The following ALG5 variants were observed in gnomAD, a reference collection of about 807,000 sequenced individuals.
The protein encoded by ALG5 is ALG5 dolichyl-phosphate beta-glucosyltransferase.
Under a neutral mutation model 51.8 loss-of-function variants are expected in ALG5, and 26 were observed. That is an observed-to-expected ratio of 0.50 (90% CI 0.37 to 0.70). The LOEUF (loss-of-function observed/expected upper bound fraction) is 0.70, where lower values mean the gene tolerates loss of function less well. Among genes scored for constraint, ALG5 ranks in the 30% least tolerant of loss-of-function variants. The pLI is 0.00. For missense variants in ALG5, 311 were observed against 399.3 expected (o/e 0.78, Z 1.88); for synonymous variants, 141 against 136.1 (o/e 1.04, Z -0.25).
At chr13:36,987,107 T>C (rs1003842029) in intron 5 of ALG5, among the ~76,000 whole-genome samples, 1 of 152,196 alleles carries the variant, frequency 6.6e-6, no homozygotes, top group East Asian at 1.9e-4. Flanking sequence ...GCCAGTTTAA[T>C]GGCTTCAGGT....
chr13:36,955,143 C>T (rs1315701736), intron 8 of ALG5, among the ~76,000 whole-genome samples: 1 of 152,150 alleles, frequency 6.6e-6, no homozygotes, highest in Admixed American at 6.5e-5. Context: ...ATGCTAACAG[C>T]CAGGCTCACA....
Position 36,999,335 on chromosome 13 carries a change from C to T in ALG5, c.-35G>A. On this transcript the variant is annotated 5_prime_UTR_variant, in exon 1 of 10. Coordinates refer to ENST00000239891, the MANE Select transcript of ALG5 (RefSeq NM_013338.5). ...CGTGGCAGCCCGCCCAATCCCGCAC[C>T]TCCACACAGGCGGAAGCGCGCCCGC... 2 of 1,541,596 alleles carry T rather than the reference C, an allele frequency of 1.3e-6. No homozygotes were observed. The highest frequency in any genetic ancestry group is 1.4e-5 in the African/African-American group (1 of 70,240).
chr13:36,989,442 T>C (rs1294487623), intron 5 of ALG5, 42 bp downstream of exon 5: 3 of 1,465,850 alleles, frequency 2.0e-6, no homozygotes, highest in Admixed American at 3.4e-5. Context: ...TTATTCAAGA[T>C]ACCTTCATAT....
At chr13:36,972,331 A>G (rs981683333) in intron 6 of ALG5, among the ~76,000 whole-genome samples, 5 of 152,146 alleles carry the variant, frequency 3.3e-5, no homozygotes, top group Non-Finnish European at 5.9e-5. Flanking sequence ...TTGAGAGAAA[A>G]ATTAGTGGTA....
intron 9 of ALG5, 56 bp downstream of exon 9, chr13:36,952,458 A>G: frequency 7.7e-7 from 1 of 1,291,012 alleles, no homozygotes; most frequent in Non-Finnish European, 1.1e-6. Flanking sequence ...AGCTGACTTT[A>G]CTAAACAACT....
At chr13:36,983,568 C>CT (rs1432511311) in intron 6 of ALG5, among the ~76,000 whole-genome samples, 1 of 6,520 alleles carries the variant, frequency 1.5e-4, no homozygotes, top group Non-Finnish European at 2.8e-4. Context: ...ACCTTATCTC[C>CT]TTTAAAAAAA....
rs556911550 is a variant in ALG5 at position 36,972,983 on chromosome 13, C to T, written c.562-947G>A. Among the ~76,000 whole-genome samples, 10 of 106,664 alleles carry T rather than the reference C, an allele frequency of 9.4e-5. No homozygotes were observed. In the South Asian group the frequency reaches 4.1e-3, roughly 44 times the overall value. The allele number at this position is 106,664 out of a possible 152,430, so 70.0% of individuals were successfully genotyped here. Reference sequence around the variant, plus strand: ...CTCCAGCCTGGGAGACAGAGCAAGACTCCGTCTCAAAAAAAAAAAAAAAAA... The same window carrying T: ...CTCCAGCCTGGGAGACAGAGCAAGATTCCGTCTCAAAAAAAAAAAAAAAAA... On this transcript the variant is annotated intron_variant, in intron 6 of 9. Transcript: ENST00000239891.
chr13:36,973,112 C>A (rs2058934164), intron 6 of ALG5, among the ~76,000 whole-genome samples: 1 of 145,984 alleles, frequency 6.9e-6, no homozygotes, highest in East Asian at 2.0e-4. Flanking sequence ...AAAAAAGGTC[C>A]TTGTTAGTAT....
chr13:36,959,363 C>CCA (rs1449679208), intron 8 of ALG5, among the ~76,000 whole-genome samples: 1 of 151,528 alleles, frequency 6.6e-6, no homozygotes, highest in Non-Finnish European at 1.5e-5. Context: ...TCAAATGTTC[C>CCA]CACCACAAAA....
At chr13:36,966,052 T>C (rs1212518687) in intron 7 of ALG5, among the ~76,000 whole-genome samples, 1 of 152,198 alleles carries the variant, frequency 6.6e-6, no homozygotes, top group Non-Finnish European at 1.5e-5. Flanking sequence ...TTTACTTACA[T>C]ATTTTATGCT....
Position 36,975,404 on chromosome 13 carries a change from C to G in ALG5, c.562-3368G>C, listed in dbSNP as rs555064777. 3.1e-3 allele frequency among the ~76,000 whole-genome samples: 472 copies of G among 152,238 alleles called. 1 individual carries two copies. Among genetic ancestry groups the G allele is most frequent in the African/African-American group, 0.01 (433 of 41,550 alleles). ...TGACATTTAACATGTTCTCCTGTCC[C>G]CTGTACTTCCTCTAAACTGGTAGTT... is the stretch of plus-strand genomic sequence containing the variant. On this transcript the variant is annotated intron_variant, in intron 6 of 9. Transcript: ENST00000239891.
chr13:36,985,440 A>C (rs2058997882), intron 6 of ALG5, among the ~76,000 whole-genome samples, 187 bp downstream of exon 6: 1 of 152,188 alleles, frequency 6.6e-6, no homozygotes, highest in Non-Finnish European at 1.5e-5. Context: ...TGTCAAGTGA[A>C]TCTCATAAAA....
At chr13:36,964,577 G>T (rs1279937319) in intron 8 of ALG5, among the ~76,000 whole-genome samples, 1 of 152,106 alleles carries the variant, frequency 6.6e-6, no homozygotes, top group African/African-American at 2.4e-5. Context: ...GCTGCTGATG[G>T]GTTAAGTGTG....
intron 8 of ALG5, among the ~76,000 whole-genome samples, chr13:36,957,798 TA>T (rs1363819198): frequency 1.3e-5 from 2 of 152,098 alleles, no homozygotes; most frequent in Non-Finnish European, 2.9e-5. Context: ...AACAAGTTCT[TA>T]AAACATTACA....
Position 36,997,094 on chromosome 13 carries a change from T to C in ALG5, c.67-1498A>G, listed in dbSNP as rs147347822. 3.6e-4 allele frequency among the ~76,000 whole-genome samples: 55 copies of C among 152,304 alleles called. No individual in the cohort carries two copies. In the East Asian group the frequency reaches 8.3e-3, roughly 23 times the overall value. ...CTACCAGTTTATAGAAAATTTGAGA[T>C]AGAAGATGTTAAAAGGCATTAAGGG... On this transcript the variant is annotated intron_variant, in intron 1 of 9. Transcript: ENST00000239891.
rs190245274 is a variant in ALG5, at chr13:36,967,873, C to T, written c.622-2147G>A. 2.4e-5 allele frequency: 24 copies of T among 1,012,270 alleles called. No individual in the cohort carries two copies. In the East Asian group the frequency reaches 1.3e-3, roughly 56 times the overall value. 62.7% of individuals were successfully genotyped at this position (1,012,270 alleles called of 1,614,324 possible). ...AAAAATTAAAGGTAGAAAAACAATA[C>T]CTATAAATTATTCTCCTTGAGTGAT... On this transcript the variant is annotated intron_variant, in intron 7 of 9. Transcript: ENST00000239891.
chr13:36,972,104 G>T, intron 6 of ALG5, 68 bp from the exon 7 acceptor site: 1 of 1,203,380 alleles, frequency 8.3e-7, no homozygotes, highest in South Asian at 1.4e-5. Context: ...TATTTTCAAT[G>T]AGAATATCTC....
intron 8 of ALG5, 56 bp from the exon 9 acceptor site, chr13:36,952,655 A>T: frequency 9.6e-7 from 1 of 1,040,698 alleles, no homozygotes; most frequent in Non-Finnish European, 1.4e-6. Context: ...ACACAACTAC[A>T]TCTCTACCTT....
chr13:36,991,959 G>A (rs1018035725), intron 4 of ALG5, among the ~76,000 whole-genome samples: 2 of 152,126 alleles, frequency 1.3e-5, no homozygotes, highest in Non-Finnish European at 2.9e-5. Context: ...AGTCCTGGCT[G>A]TCCCTTACTA....
Sources: gnomAD v4.1 joint callset for allele counts (sites outside exome capture counted in the v4.1 genomes callset) on GRCh38, gnomAD v4.1.1 for gene constraint, MANE v1.5 for transcripts, NCBI Gene and HGNC (gene_info 2026-07-23, HGNC 2026-07-21) for gene names.